Variants in SGCD observed in about 807,000 individuals in gnomAD.
The protein encoded by SGCD is delta-sarcoglycan.
SGCD carries 18 observed loss-of-function variants against 36.6 expected under a neutral mutation model. The observed-to-expected ratio is 0.49, with a 90% CI of 0.34 to 0.73. The LOEUF is 0.73. Ranked by LOEUF, SGCD falls within the 30% of genes least tolerant of loss-of-function variation. The pLI is 0.01. For missense variants in SGCD, 387 were observed against 346.7 expected, an observed-to-expected ratio of 1.12 and a Z score of -0.92; for synonymous variants, 133 against 130.6, an observed-to-expected ratio of 1.02 and a Z score of -0.12.
At chr5:156,346,050 A>G (rs565609186) in intron 3 of SGCD, among the ~76,000 whole-genome samples, 3 of 152,174 alleles carry the variant, frequency 2.0e-5, no homozygotes, top group African/African-American at 7.2e-5. Context: ...GAACTTTGAG[A>G]AAGGCAAAGG....
chr5:156,400,992 A>C (rs1295070755), intron 3 of SGCD, among the ~76,000 whole-genome samples: 1 of 152,230 alleles, frequency 6.6e-6, no homozygotes, highest in Non-Finnish European at 1.5e-5. Context: ...AAGAGTGTTA[A>C]TCATTCAGCT....
intron 1 of SGCD, among the ~76,000 whole-genome samples, chr5:155,979,564 T>G (rs1214886734): frequency 6.6e-5 from 10 of 152,166 alleles, no homozygotes; most frequent in Admixed American, 6.5e-4. Context: ...GGATGCAGTT[T>G]CAAAGGCTCC....
At chr5:155,868,940 T>C (rs1040765969), upstream of SGCD, among the ~76,000 whole-genome samples, 6 of 152,188 alleles carry the variant, frequency 3.9e-5, no homozygotes, top group South Asian at 2.1e-4. Context: ...TAGAGACTAT[T>C]ATTTAGAATT....
intron 6 of SGCD, among the ~76,000 whole-genome samples, chr5:156,602,617 C>T (rs1216164819): frequency 2.6e-5 from 4 of 152,054 alleles, no homozygotes; most frequent in African/African-American, 7.2e-5. Flanking sequence ...GAGGTACCTA[C>T]CTTTTATACC....
chr5:156,234,096 T>C (rs113464097), intron 3 of SGCD, among the ~76,000 whole-genome samples: 3 of 152,330 alleles, frequency 2.0e-5, no homozygotes, highest in African/African-American at 7.2e-5. Context: ...CTAATAGGTG[T>C]TCGTTGTTGT....
chr5:155,902,688 A>G (rs1327553677), intron 1 of SGCD, among the ~76,000 whole-genome samples: 1 of 152,180 alleles, frequency 6.6e-6, no homozygotes, highest in Non-Finnish European at 1.5e-5. Context: ...ACCCAATGGG[A>G]CTATTATCAA....
chr5:156,025,179 A>G (rs933619870), intron 1 of SGCD, among the ~76,000 whole-genome samples: 4 of 152,152 alleles, frequency 2.6e-5, no homozygotes, highest in Non-Finnish European at 5.9e-5. Flanking sequence ...CATCACTTCC[A>G]TGATGTGGTT....
At chr5:155,742,331 CA>C in the SGCD span, among the ~76,000 whole-genome samples, 2 of 151,956 alleles carry the variant, frequency 1.3e-5, no homozygotes, top group Non-Finnish European at 2.9e-5. Context: ...ATGAAATTAC[CA>C]ATAATCATTT....
intron 3 of SGCD, among the ~76,000 whole-genome samples, chr5:156,269,611 G>A (rs1439530112): frequency 2.0e-5 from 3 of 151,130 alleles, no homozygotes; most frequent in Non-Finnish European, 4.4e-5. Flanking sequence ...CCCACAACAT[G>A]TGGGAATTCT....
chr5:156,137,380 A>G (rs1312501568), intron 3 of SGCD, among the ~76,000 whole-genome samples: 1 of 152,188 alleles, frequency 6.6e-6, no homozygotes, highest in Admixed American at 6.5e-5. Flanking sequence ...ATCTCAATTC[A>G]ACTATATACA....
chr5:156,270,541 T>C (rs1260583031), intron 3 of SGCD, among the ~76,000 whole-genome samples: 1 of 152,228 alleles, frequency 6.6e-6, no homozygotes, highest in African/African-American at 2.4e-5. Context: ...TCTAATTTTA[T>C]AGCTGAAGCC....
chr5:156,423,319 AAT>A (rs1491415350), intron 3 of SGCD, among the ~76,000 whole-genome samples: 5 of 64,416 alleles, frequency 7.8e-5, no homozygotes, highest in South Asian at 4.3e-4. Context: ...ATTATAATAT[AAT>A]ATATTTTATT....
At chr5:156,569,008 C>G (rs1420012190) in intron 4 of SGCD, among the ~76,000 whole-genome samples, 1 of 152,144 alleles carries the variant, frequency 6.6e-6, no homozygotes, top group Non-Finnish European at 1.5e-5. Context: ...TTTTCAATAT[C>G]TTTCTTTAAA....
At chr5:156,732,653 A>G (rs2113017944) in intron 7 of SGCD, among the ~76,000 whole-genome samples, 1 of 152,030 alleles carries the variant, frequency 6.6e-6, no homozygotes, top group East Asian at 1.9e-4. Flanking sequence ...TTTTTGTCAC[A>G]GTTTCAGTAG....
chr5:156,098,615 A>T (rs1054722962), intron 1 of SGCD, among the ~76,000 whole-genome samples: 4 of 145,786 alleles, frequency 2.7e-5, no homozygotes, highest in Non-Finnish European at 5.9e-5. Context: ...ATATATATAT[A>T]TATTTATTTA....
intron 3 of SGCD, among the ~76,000 whole-genome samples, chr5:156,207,726 G>T (rs183189997): frequency 1.4e-4 from 21 of 152,190 alleles, no homozygotes; most frequent in Admixed American, 3.3e-4. Context: ...AGATAAAGAA[G>T]CTACCACTTA....
chr5:156,580,663 G>T (rs995510827), intron 4 of SGCD, among the ~76,000 whole-genome samples: 5 of 152,052 alleles, frequency 3.3e-5, no homozygotes, highest in African/African-American at 1.2e-4. Context: ...TTCAATCACT[G>T]ATAACCTTTT....
At chr5:156,752,373 A>G (rs1187593440) in intron 7 of SGCD, among the ~76,000 whole-genome samples, 1 of 152,182 alleles carries the variant, frequency 6.6e-6, no homozygotes, top group Admixed American at 6.5e-5. Flanking sequence ...GATGATAATT[A>G]TACAAAACCA....
At chr5:156,758,548 A>T (rs1757422255) in intron 8 of SGCD, among the ~76,000 whole-genome samples, 1 of 152,194 alleles carries the variant, frequency 6.6e-6, no homozygotes, top group Non-Finnish European at 1.5e-5. Flanking sequence ...TAGTCAGAAC[A>T]TTCAGTTATC....
Sources: gnomAD v4.1 joint callset for allele counts (sites outside exome capture counted in the v4.1 genomes callset) on GRCh38, gnomAD v4.1.1 for gene constraint, MANE v1.5 for transcripts, NCBI Gene and HGNC (gene_info 2026-07-23, HGNC 2026-07-21) for gene names.